The following PDE4D variants were observed in gnomAD, a reference collection of about 807,000 sequenced individuals.
PDE4D encodes phosphodiesterase 4D, also known as 3',5'-cyclic-AMP phosphodiesterase 4D.
In PDE4D, 24 loss-of-function variants were observed where a neutral mutation model predicts 87.4. The observed-to-expected ratio is 0.27, with a 90% CI of 0.20 to 0.39. PDE4D has a LOEUF of 0.39. Among genes scored for constraint, PDE4D ranks in the 10% least tolerant of loss-of-function variants. The probability of loss-of-function intolerance (pLI) is 1.00; values close to 1 mark genes in which losing one functional copy is unlikely to be tolerated. For synonymous variants in PDE4D, 384 were observed against 383.2 expected (o/e 1.00, Z -0.02); for missense variants, 714 against 1,041.0 (o/e 0.69, Z 4.32).
chr5:60,440,800 T>C (rs556299334), intron 1 of PDE4D, among the ~76,000 whole-genome samples: 25 of 152,102 alleles, frequency 1.6e-4, no homozygotes, highest in Non-Finnish European at 3.1e-4. Context: ...ACAACAACCC[T>C]ATAAGGCAGC....
chr5:60,328,090 G>T (rs1756964444), intron 1 of PDE4D, among the ~76,000 whole-genome samples: 1 of 152,082 alleles, frequency 6.6e-6, no homozygotes, highest in Non-Finnish European at 1.5e-5. Flanking sequence ...TCCTTATTGG[G>T]CATTAGAATT....
chr5:60,354,394 AG>A (rs1433311807), intron 1 of PDE4D, among the ~76,000 whole-genome samples: 2 of 152,202 alleles, frequency 1.3e-5, no homozygotes, highest in Non-Finnish European at 2.9e-5. Context: ...GTTAAAGTTA[AG>A]TTTGGCACAC....
chr5:59,460,900 T>C (rs1183411147), intron 1 of PDE4D, among the ~76,000 whole-genome samples: 1 of 152,142 alleles, frequency 6.6e-6, no homozygotes, highest in Non-Finnish European at 1.5e-5. Flanking sequence ...AGCCAACACT[T>C]GATTAGTAAA....
intron 1 of PDE4D, among the ~76,000 whole-genome samples, chr5:59,407,298 T>C (rs258116): frequency 0.24 from 36,253 of 152,136 alleles, 4,809 homozygotes; most frequent in East Asian, 0.4. Flanking sequence ...TCCACCATGA[T>C]TGAAAGCTCC....
At chr5:59,523,077 T>A (rs897016173) in intron 1 of PDE4D, among the ~76,000 whole-genome samples, 1 of 152,232 alleles carries the variant, frequency 6.6e-6, no homozygotes, top group African/African-American at 2.4e-5. Context: ...GAATGCCAAC[T>A]AATATCATTA....
chr5:59,338,922 CAT>C (rs1396685335), intron 1 of PDE4D, among the ~76,000 whole-genome samples: 6 of 152,162 alleles, frequency 3.9e-5, no homozygotes, highest in East Asian at 1.9e-4. Flanking sequence ...AATTGTAAGA[CAT>C]ATGTTATGAA....
intron 1 of PDE4D, among the ~76,000 whole-genome samples, chr5:59,247,833 G>A (rs376655408): frequency 2.6e-5 from 4 of 151,852 alleles, no homozygotes; most frequent in African/African-American, 9.7e-5. Flanking sequence ...TTGAACATAC[G>A]TCTTATCTCT....
chr5:60,306,629 A>C (rs542241676), intron 1 of PDE4D, among the ~76,000 whole-genome samples: 1 of 152,256 alleles, frequency 6.6e-6, no homozygotes, highest in African/African-American at 2.4e-5. Context: ...AAGAAAATTT[A>C]GATTTCCTTA....
At chr5:59,374,497 C>T (rs1429065440) in intron 1 of PDE4D, among the ~76,000 whole-genome samples, 3 of 152,134 alleles carry the variant, frequency 2.0e-5, no homozygotes, top group Non-Finnish European at 4.4e-5. Context: ...TATATACACA[C>T]CCAACAGAGA....
intron 1 of PDE4D, among the ~76,000 whole-genome samples, chr5:59,402,778 AT>A (rs199982944): frequency 3.3e-5 from 5 of 151,632 alleles, no homozygotes; most frequent in South Asian, 2.1e-4. Flanking sequence ...CTCTCAAACT[AT>A]TTTTTTTTAA....
intron 1 of PDE4D, among the ~76,000 whole-genome samples, chr5:59,786,694 A>G (rs1478556755): frequency 6.6e-6 from 1 of 152,324 alleles, no homozygotes; most frequent in African/African-American, 2.4e-5. Flanking sequence ...ACTGTGACTC[A>G]TGACTGGCCT....
chr5:59,908,798 G>A (rs62371466), intron 3 of PDE4D, among the ~76,000 whole-genome samples: 56 of 152,216 alleles, frequency 3.7e-4, no homozygotes, highest in Admixed American at 6.5e-4. Flanking sequence ...AATGATTAAA[G>A]AAATCCAGAA....
chr5:59,419,398 GTGAATGTATGAGTGAATTAAA>G (rs1794127402), intron 1 of PDE4D, among the ~76,000 whole-genome samples: 1 of 152,162 alleles, frequency 6.6e-6, no homozygotes, highest in Admixed American at 6.5e-5. Flanking sequence ...TGCTGCACAA[GTGAATGTATGAGTGAATTAAA>G]TGAATGAATG....
At chr5:59,724,713 G>A (rs1019589340) in intron 1 of PDE4D, among the ~76,000 whole-genome samples, 8 of 152,042 alleles carry the variant, frequency 5.3e-5, no homozygotes, top group African/African-American at 1.9e-4. Flanking sequence ...GTGACATAAT[G>A]AAATGACACA....
At chr5:59,043,704 C>G (rs1580483096) in intron 5 of PDE4D, among the ~76,000 whole-genome samples, 1 of 151,960 alleles carries the variant, frequency 6.6e-6, no homozygotes. Context: ...ATCCCTCCCC[C>G]TTCCCCCCAC....
chr5:60,071,036 C>A (rs965082203), intron 2 of PDE4D, among the ~76,000 whole-genome samples: 1 of 151,692 alleles, frequency 6.6e-6, no homozygotes, highest in Non-Finnish European at 1.5e-5. Context: ...TCTCTTCTTT[C>A]ATTTCTGATT....
chr5:59,872,370 G>T (rs1423093699), intron 1 of PDE4D, among the ~76,000 whole-genome samples: 1 of 151,706 alleles, frequency 6.6e-6, no homozygotes, highest in African/African-American at 2.4e-5. Context: ...GGAAATGAAG[G>T]TTCTTTCACA....
intron 1 of PDE4D, among the ~76,000 whole-genome samples, chr5:59,308,251 A>G (rs1439277528): frequency 3.3e-5 from 5 of 151,752 alleles, no homozygotes; most frequent in Admixed American, 3.3e-4. Flanking sequence ...TAGGAGATAT[A>G]CCTAATGCTA....
chr5:60,204,593 G>C (rs140519142), intron 1 of PDE4D, among the ~76,000 whole-genome samples: 3 of 152,334 alleles, frequency 2.0e-5, no homozygotes, highest in Non-Finnish European at 2.9e-5. Context: ...GCAAATCTAA[G>C]ATAATCACAT....
Sources: allele counts gnomAD v4.1 joint callset (sites outside exome capture counted in the v4.1 genomes callset), GRCh38; gene constraint gnomAD v4.1.1; transcripts MANE v1.5; gene names NCBI Gene and HGNC (gene_info 2026-07-23, HGNC 2026-07-21).